Variants in DNAH6 observed in about 807,000 individuals in gnomAD.
The protein encoded by DNAH6 is dynein axonemal heavy chain 6.
In DNAH6, 340 loss-of-function variants were observed where a neutral mutation model predicts 491.4. That is an observed-to-expected ratio of 0.69 (90% CI 0.63 to 0.76). The LOEUF (loss-of-function observed/expected upper bound fraction) is 0.76. Ranked by LOEUF, DNAH6 falls within the 30% of genes least tolerant of loss-of-function variation. The pLI is 0.00. For missense variants in DNAH6, 4,443 were observed against 4,972.2 expected, an observed-to-expected ratio of 0.89 and a Z score of 3.20; for synonymous variants, 1,603 against 1,686.1, an observed-to-expected ratio of 0.95 and a Z score of 1.21.
intron 11 of DNAH6, among the ~76,000 whole-genome samples, chr2:84,561,914 T>A (rs1680716372): frequency 6.6e-6 from 1 of 152,046 alleles, no homozygotes. Flanking sequence ...ACAGGATGAG[T>A]TTCATCTAGC....
At position 84,786,101 on chromosome 2, in the gene DNAH6, A is replaced by AGAAAGAAAGAAT. The variant is rs1553498926; in HGVS notation, c.11100+348_11100+349insAGAAAGAATGAA. ...ACGTGTGTGGTCTACAGAGAAAGAA[A>AGAAAGAAAGAAT]GAATGAATGAATGAATGAATGAATG... On this transcript the variant is annotated intron_variant, in intron 67 of 76. Transcript: ENST00000389394. 3.3e-5 allele frequency among the ~76,000 whole-genome samples: 5 copies of AGAAAGAAAGAAT among 150,366 alleles called. No homozygotes were observed. In the South Asian group the frequency reaches 6.4e-4, roughly 19 times the overall value.
Position 84,722,712 on chromosome 2 carries a change from G to A in DNAH6, c.9880G>A (p.Val3294Met). The A allele has an allele frequency of 6.5e-7, 1 of 1,549,180 alleles. No homozygotes were observed. Among genetic ancestry groups the A allele is most frequent in the Non-Finnish European group, 8.7e-7 (1 of 1,146,118 alleles). Reference sequence around the variant, plus strand: ...TGTGGCTCGTGAGAAGTATCGTCCAGTGGCCACTCAAGGCTCTGTAATGTA... The same window carrying A: ...TGTGGCTCGTGAGAAGTATCGTCCAATGGCCACTCAAGGCTCTGTAATGTA... ...INVAREKYRP[V>M]ATQGSVMYFV... The change falls in exon 60 of 77, where the codon GTG (valine) becomes ATG (methionine). Residue 3294 changes from valine to methionine, a missense_variant. Physicochemically the swap from Val to Met is conservative, Grantham distance 21. Transcript: ENST00000389394.
chr2:84,794,372 C>T (rs1231499241), intron 68 of DNAH6, among the ~76,000 whole-genome samples: 2 of 151,604 alleles, frequency 1.3e-5, no homozygotes, highest in Admixed American at 1.3e-4. Flanking sequence ...AAAGAAACTA[C>T]CATCAGAGTG....
intron 37 of DNAH6, among the ~76,000 whole-genome samples, chr2:84,663,010 C>T (rs1691683440): frequency 6.6e-6 from 1 of 152,212 alleles, no homozygotes; most frequent in Admixed American, 6.5e-5. Flanking sequence ...TTCCAACAGA[C>T]CTTCGGCTGA....
chr2:84,631,840 A>C (rs2104453499), intron 29 of DNAH6, among the ~76,000 whole-genome samples: 1 of 152,310 alleles, frequency 6.6e-6, no homozygotes, highest in East Asian at 1.9e-4. Flanking sequence ...GTTTATGGCA[A>C]TTTGTTATAG....
intron 71 of DNAH6, 27 bp downstream of exon 71, chr2:84,805,821 T>C: frequency 6.5e-7 from 1 of 1,537,356 alleles, no homozygotes; most frequent in Non-Finnish European, 8.8e-7. Flanking sequence ...GGAATCTGTA[T>C]GTAATGGGAA....
At chr2:84,700,795 A>G (rs993815870) in intron 48 of DNAH6, among the ~76,000 whole-genome samples, 1 of 152,186 alleles carries the variant, frequency 6.6e-6, no homozygotes, top group South Asian at 2.1e-4. Context: ...AACATATATG[A>G]TTTATTTATG....
intron 33 of DNAH6, among the ~76,000 whole-genome samples, chr2:84,642,696 CTA>C (rs1689534821): frequency 1.3e-5 from 2 of 152,076 alleles, no homozygotes; most frequent in Non-Finnish European, 2.9e-5. Flanking sequence ...TCAATTAACA[CTA>C]TACCATTTCA....
At chr2:84,749,582 T>C (rs1673276079) in intron 63 of DNAH6, among the ~76,000 whole-genome samples, 1 of 152,206 alleles carries the variant, frequency 6.6e-6, no homozygotes, top group Non-Finnish European at 1.5e-5. Context: ...GATGTCCACA[T>C]GAACCCTGAA....
chr2:84,778,101 G>A (rs1676325709), intron 64 of DNAH6: 16 of 807,024 alleles, frequency 2.0e-5, no homozygotes, highest in East Asian at 4.9e-5. Flanking sequence ...TAAACTGCCC[G>A]TCAGTTGTGG....
chr2:84,629,453 A>C (rs1688186136), intron 29 of DNAH6, among the ~76,000 whole-genome samples: 1 of 152,230 alleles, frequency 6.6e-6, no homozygotes, highest in Non-Finnish European at 1.5e-5. Context: ...GAGGAGTATG[A>C]AATGGTATCC....
At position 84,619,838 on chromosome 2, in the gene DNAH6, T is replaced by A. The variant is rs1379724071; in HGVS notation, c.3726T>A (p.Ile1242=). The A allele has an allele frequency of 6.4e-7, 1 of 1,551,346 alleles. No homozygotes were observed. The highest frequency in any genetic ancestry group is 1.4e-5 in the African/African-American group (1 of 73,016). The stretch of plus-strand genomic sequence containing the variant: ...CTGCCGAAGGAAAGATTCCTGGTAT[T>A]GATGGAGAACCAGAAAAGGTTTATA... The part of the protein sequence containing the change: ...MPPAEGKIPG[I]DGEPEKVYTN... The change falls in exon 24 of 77, where the codon ATT becomes ATA. Residue 1242 remains isoleucine (I), a synonymous_variant. Transcript: ENST00000389394.
intron 76 of DNAH6, among the ~76,000 whole-genome samples, chr2:84,819,058 GA>G (rs1376589270): frequency 1.3e-5 from 2 of 151,688 alleles, no homozygotes; most frequent in Non-Finnish European, 2.9e-5. Flanking sequence ...CTGGGTGATA[GA>G]GTGAGACCCT....
intron 18 of DNAH6, among the ~76,000 whole-genome samples, chr2:84,599,338 C>CT (rs1365559380): frequency 8.1e-6 from 1 of 123,338 alleles, no homozygotes; most frequent in African/African-American, 2.7e-5. Context: ...TCAATAAACT[C>CT]TAATTTATAA....
chr2:84,518,683 T>C (rs1473147030), intron 2 of DNAH6, among the ~76,000 whole-genome samples: 1 of 152,204 alleles, frequency 6.6e-6, no homozygotes, highest in Admixed American at 6.5e-5. Flanking sequence ...CATCTACTCA[T>C]GTATATTAAA....
intron 60 of DNAH6, among the ~76,000 whole-genome samples, chr2:84,724,263 A>G (rs888411325): frequency 6.6e-6 from 1 of 152,174 alleles, no homozygotes; most frequent in Non-Finnish European, 1.5e-5. Flanking sequence ...TTCCTGTTAT[A>G]TGCCCCTGTA....
intron 33 of DNAH6, among the ~76,000 whole-genome samples, chr2:84,651,185 C>G (rs1690419515): frequency 6.6e-6 from 1 of 152,166 alleles, no homozygotes; most frequent in South Asian, 2.1e-4. Flanking sequence ...AGTCCTGACT[C>G]TCCACTGATC....
At chr2:84,670,500 C>T (rs1573430938) in intron 39 of DNAH6, 25 bp downstream of exon 39, 4 of 1,414,024 alleles carry the variant, frequency 2.8e-6, no homozygotes, top group South Asian at 1.3e-5. Context: ...TTTAGTTTGT[C>T]CCACACAAAT....
At chr2:84,709,270 A>T in intron 54 of DNAH6, 73 bp from the exon 55 acceptor site, 1 of 1,460,246 alleles carries the variant, frequency 6.8e-7, no homozygotes, top group Non-Finnish European at 9.3e-7. Context: ...ACCACTGCCC[A>T]CCACATTTTG....
Sources: gnomAD v4.1 joint callset for allele counts (sites outside exome capture counted in the v4.1 genomes callset) on GRCh38, gnomAD v4.1.1 for gene constraint, MANE v1.5 for transcripts, NCBI Gene and HGNC (gene_info 2026-07-23, HGNC 2026-07-21) for gene names.